The following BRINP3 variants were observed in gnomAD, a reference collection of about 807,000 sequenced individuals.
The protein encoded by BRINP3 is BMP/retinoic acid inducible neural specific 3, also known as BMP/retinoic acid-inducible neural-specific protein 3.
In BRINP3, 19 loss-of-function variants were observed where a neutral mutation model predicts 71.0. The ratio of observed to expected loss-of-function variants is 0.27; its 90% CI spans 0.19 to 0.39. BRINP3 has a LOEUF of 0.39. Among genes scored for constraint, BRINP3 ranks in the 10% least tolerant of loss-of-function variants. The probability of loss-of-function intolerance (pLI) is 1.00; values close to 1 mark genes in which losing one functional copy is unlikely to be tolerated. For synonymous variants in BRINP3, 380 were observed against 337.7 expected, an observed-to-expected ratio of 1.13 and a Z score of -1.37; for missense variants, 959 against 940.8, an observed-to-expected ratio of 1.02 and a Z score of -0.25.
intron 6 of BRINP3, among the ~76,000 whole-genome samples, chr1:190,205,593 T>C (rs1003049437): frequency 2.0e-5 from 3 of 152,048 alleles, no homozygotes; most frequent in African/African-American, 7.2e-5. Context: ...AAAGAAATGA[T>C]TGGGCCAGAA....
chr1:190,150,318 AAAT>A (rs1656280057), intron 7 of BRINP3, among the ~76,000 whole-genome samples: 2 of 151,992 alleles, frequency 1.3e-5, no homozygotes, highest in African/African-American at 4.8e-5. Flanking sequence ...ACATGTTAGA[AAAT>A]AATGATGCTA....
intron 3 of BRINP3, among the ~76,000 whole-genome samples, chr1:190,265,392 G>C (rs1030796604): frequency 4.0e-5 from 6 of 151,812 alleles, no homozygotes; most frequent in African/African-American, 1.5e-4. Context: ...CAAGTGAGGG[G>C]CATAAAATGA....
At chr1:190,457,933 A>G (rs1043782702) in intron 1 of BRINP3, among the ~76,000 whole-genome samples, 5 of 151,708 alleles carry the variant, frequency 3.3e-5, no homozygotes, top group African/African-American at 1.2e-4. Context: ...AAAAAAAAAA[A>G]CTATATTGTG....
chr1:190,344,026 T>C (rs1343991907), intron 2 of BRINP3, among the ~76,000 whole-genome samples: 1 of 151,678 alleles, frequency 6.6e-6, no homozygotes, highest in Non-Finnish European at 1.5e-5. Flanking sequence ...TGAAAAAATA[T>C]ACAAAAAGTA....
At chr1:190,104,913 T>G (rs185470239) in intron 7 of BRINP3, among the ~76,000 whole-genome samples, 2 of 152,108 alleles carry the variant, frequency 1.3e-5, no homozygotes, top group South Asian at 4.1e-4. Flanking sequence ...AAACCTAAAC[T>G]ATATAATTTC....
chr1:190,418,348 C>T (rs1673140181), intron 2 of BRINP3, among the ~76,000 whole-genome samples: 1 of 152,044 alleles, frequency 6.6e-6, no homozygotes, highest in Non-Finnish European at 1.5e-5. Context: ...ACTGCCCAGC[C>T]TTCTTATTCT....
chr1:190,341,149 T>A (rs1389851826), intron 2 of BRINP3, among the ~76,000 whole-genome samples: 1 of 151,824 alleles, frequency 6.6e-6, no homozygotes, highest in East Asian at 2.0e-4. Flanking sequence ...CCATCACACT[T>A]CACAGAAAAG....
At chr1:190,410,711 A>G (rs544132360) in intron 2 of BRINP3, among the ~76,000 whole-genome samples, 209 of 152,252 alleles carry the variant, frequency 1.4e-3, no homozygotes, top group African/African-American at 4.8e-3. Context: ...AAGTGAAGCA[A>G]TGTTTCCAGA....
At chr1:190,210,597 G>C (rs1009501992) in intron 6 of BRINP3, among the ~76,000 whole-genome samples, 4 of 151,990 alleles carry the variant, frequency 2.6e-5, no homozygotes, top group African/African-American at 7.2e-5. Flanking sequence ...CTATGGCAGG[G>C]CAGTCATTCA....
chr1:190,139,355 A>T (rs1295847499), intron 7 of BRINP3, among the ~76,000 whole-genome samples: 3 of 151,022 alleles, frequency 2.0e-5, no homozygotes, highest in Non-Finnish European at 4.4e-5. Flanking sequence ...GGGAGGCTTA[A>T]GCGGGAGAAT....
chr1:190,264,665 C>G (rs1661494568), intron 4 of BRINP3, among the ~76,000 whole-genome samples, 200 bp downstream of exon 4: 1 of 152,070 alleles, frequency 6.6e-6, no homozygotes. Context: ...TCTTGACCTA[C>G]TTATCAAGTA....
chr1:190,156,536 G>A (rs989271983), intron 7 of BRINP3, among the ~76,000 whole-genome samples: 2 of 150,352 alleles, frequency 1.3e-5, no homozygotes, highest in Non-Finnish European at 3.0e-5. Context: ...TTTTCCTGAT[G>A]TCATTTCATA....
chr1:190,225,015 T>A (rs138905112), intron 6 of BRINP3, among the ~76,000 whole-genome samples: 21 of 152,052 alleles, frequency 1.4e-4, no homozygotes, highest in African/African-American at 5.1e-4. Context: ...GGGGAACCCT[T>A]CTACACTGTT....
chr1:190,364,421 C>T, intron 2 of BRINP3, among the ~76,000 whole-genome samples: 1 of 151,892 alleles, frequency 6.6e-6, no homozygotes, highest in Non-Finnish European at 1.5e-5. Context: ...TATTTTCAGT[C>T]TCTATATCTG....
chr1:190,112,063 G>A (rs537838596), intron 7 of BRINP3, among the ~76,000 whole-genome samples: 160 of 152,242 alleles, frequency 1.1e-3, no homozygotes, highest in Non-Finnish European at 1.8e-4. Flanking sequence ...GAAAGAGGAA[G>A]TTGAGCCTAT....
chr1:190,098,686 T>G lies in BRINP3; in HGVS notation c.1633A>C (p.Ser545Arg). Residue 545 changes from serine to arginine, a missense_variant, in exon 8 of 8, where the codon AGT becomes CGT. Physicochemically the swap from Ser to Arg is moderately radical, Grantham distance 110. Coordinates refer to ENST00000367462, the MANE Select transcript of BRINP3 (RefSeq NM_199051.3). ...LTLKSNKYKS[S>R]LVHMILGLSL... ...AGACCCAAAATCATATGGACCAGAC[T>G]TGACTTGTACTTATTGCTCTTCAAG... The G allele has an allele frequency of 6.2e-7, 1 of 1,614,192 alleles. No individual in the cohort carries two copies. The highest frequency in any genetic ancestry group is 8.5e-7 in the Non-Finnish European group (1 of 1,180,026).
intron 6 of BRINP3, among the ~76,000 whole-genome samples, chr1:190,190,019 A>G (rs1653895217): frequency 6.6e-6 from 1 of 152,146 alleles, no homozygotes; most frequent in African/African-American, 2.4e-5. Flanking sequence ...CCAGAAGCTT[A>G]GGGACATTGA....
At chr1:190,356,255 T>G (rs1292295038) in intron 2 of BRINP3, among the ~76,000 whole-genome samples, 2 of 152,056 alleles carry the variant, frequency 1.3e-5, no homozygotes, top group Non-Finnish European at 2.9e-5. Flanking sequence ...TGTATAGCTA[T>G]TATTTAAATG....
intron 2 of BRINP3, among the ~76,000 whole-genome samples, chr1:190,285,180 A>G (rs887180278): frequency 7.2e-5 from 11 of 152,176 alleles, no homozygotes; most frequent in African/African-American, 2.7e-4. Flanking sequence ...GAGCGCTTTA[A>G]GTAAAGACAG....
Sources: gnomAD v4.1 joint callset for allele counts (sites outside exome capture counted in the v4.1 genomes callset) on GRCh38, gnomAD v4.1.1 for gene constraint, MANE v1.5 for transcripts, NCBI Gene and HGNC (gene_info 2026-07-23, HGNC 2026-07-21) for gene names.